TBCE: variants seen among roughly 807,000 people sequenced by gnomAD.
The protein encoded by TBCE is tubulin folding cofactor E, also known as tubulin-specific chaperone E.
In TBCE, 53 loss-of-function variants were observed where a neutral mutation model predicts 77.0. The observed-to-expected ratio is 0.69, with a 90% CI of 0.55 to 0.87. The LOEUF is 0.87. TBCE is among the 40% of genes least tolerant of loss of function. The pLI is 0.00. For missense variants in TBCE, 624 were observed against 622.4 expected (o/e 1.00, Z -0.03); for synonymous variants, 235 against 241.3 (o/e 0.97, Z 0.24).
chr1:235,401,195 T>C (rs932068695), intron 2 of TBCE, among the ~76,000 whole-genome samples: 1 of 152,172 alleles, frequency 6.6e-6, no homozygotes. Context: ...AATATGGTAT[T>C]TGTCCTTTTA....
intron 5 of TBCE, among the ~76,000 whole-genome samples, chr1:235,420,561 C>T (rs919319223): frequency 6.7e-6 from 1 of 148,876 alleles, no homozygotes; most frequent in African/African-American, 2.5e-5. Flanking sequence ...CAGCTCACTG[C>T]AACCTCCGCC....
At chr1:235,419,144 T>A in intron 4 of TBCE, 1 of 365,250 alleles carries the variant, frequency 2.7e-6, no homozygotes, top group South Asian at 2.5e-5. Flanking sequence ...GAGGGAGAGG[T>A]TGCAGTGAGT....
At chr1:235,429,151 G>A (rs998413289) in intron 6 of TBCE, 5 of 151,682 alleles carry the variant, frequency 3.3e-5, no homozygotes, top group Non-Finnish European at 7.4e-5. Flanking sequence ...ACCACTGCCA[G>A]CTACTTTTTG....
intron 6 of TBCE, chr1:235,429,819 G>A (rs907774535): frequency 6.6e-6 from 1 of 151,964 alleles, no homozygotes; most frequent in African/African-American, 2.4e-5. Context: ...CCAGATTCAA[G>A]TGATTCTCCT....
chr1:235,412,157 C>A (rs148305642), intron 3 of TBCE, among the ~76,000 whole-genome samples: 3 of 630 alleles, frequency 4.8e-3, no homozygotes, highest in African/African-American at 0.011. Context: ...CTCCCCTCCC[C>A]TCCCCTTCCC....
At chr1:235,376,081 G>T (rs1472628924) in intron 1 of TBCE, among the ~76,000 whole-genome samples, 1 of 151,966 alleles carries the variant, frequency 6.6e-6, no homozygotes, top group Admixed American at 6.6e-5. Context: ...TTGACACAGA[G>T]ACTGTTAATT....
intron 16 of TBCE, 95 bp downstream of exon 16, chr1:235,448,535 T>A: frequency 7.1e-7 from 1 of 1,404,166 alleles, no homozygotes; most frequent in Non-Finnish European, 1.0e-6. Flanking sequence ...TGATTCTAAA[T>A]GGAGACCATG....
At chr1:235,384,969 C>T (rs1326531145) in intron 2 of TBCE, among the ~76,000 whole-genome samples, 2 of 151,930 alleles carry the variant, frequency 1.3e-5, no homozygotes, top group Non-Finnish European at 2.9e-5. Context: ...ATAAATTTCC[C>T]TCTACACACT....
intron 3 of TBCE, among the ~76,000 whole-genome samples, chr1:235,401,957 G>A (rs1679137220): frequency 6.6e-6 from 1 of 150,942 alleles, no homozygotes; most frequent in Admixed American, 6.6e-5. Flanking sequence ...CCAGTAAGAA[G>A]GAATTGATTA....
At position 235,449,173 on chromosome 1, in the gene TBCE, G is replaced by C. The variant is rs979317508; in HGVS notation, c.*411G>C. 3.7e-5 allele frequency: 9 copies of C among 246,384 alleles called. No individual in the cohort carries two copies. The highest frequency in any genetic ancestry group is 7.2e-5 in the Non-Finnish European group (9 of 125,292). 15.3% of individuals were successfully genotyped at this position (246,384 alleles called of 1,614,324 possible). On this transcript the variant is annotated 3_prime_UTR_variant, in exon 17 of 17. Transcript: ENST00000642610. ...TAGAAATGATTTGGTTGGTCATTTT[G>C]GGAAATGTCCCTTAAACTTGGGGAG...
At chr1:235,399,990 A>G (rs1253582571) in intron 2 of TBCE, among the ~76,000 whole-genome samples, 3 of 152,168 alleles carry the variant, frequency 2.0e-5, no homozygotes, top group Non-Finnish European at 4.4e-5. Flanking sequence ...CATGGTTTGG[A>G]GAGTTTTAAC....
At chr1:235,416,041 C>G (rs1274882219) in intron 4 of TBCE, 1 of 151,632 alleles carries the variant, frequency 6.6e-6, no homozygotes, top group Non-Finnish European at 1.5e-5. Flanking sequence ...TGGTGGTACG[C>G]ACCTGTAGTC....
chr1:235,368,551 GCT>G (rs1491105259), intron 1 of TBCE, among the ~76,000 whole-genome samples: 3 of 44,874 alleles, frequency 6.7e-5, no homozygotes, highest in Admixed American at 6.6e-4. Flanking sequence ...TGGACAGCCT[GCT>G]TTTTTTTTTT....
intron 15 of TBCE, among the ~76,000 whole-genome samples, chr1:235,443,688 T>C (rs964897646): frequency 6.6e-6 from 1 of 152,194 alleles, no homozygotes; most frequent in Non-Finnish European, 1.5e-5. Flanking sequence ...TTTGTGACTT[T>C]GCTTACATTC....
At chr1:235,429,228 T>G (rs1269774797) in intron 6 of TBCE, 1 of 151,502 alleles carries the variant, frequency 6.6e-6, no homozygotes, top group Non-Finnish European at 1.5e-5. Context: ...ACCTCAGGTT[T>G]TCCACCCACC....
intron 5 of TBCE, among the ~76,000 whole-genome samples, chr1:235,426,905 C>T (rs1304074851): frequency 6.6e-6 from 1 of 152,226 alleles, no homozygotes; most frequent in Admixed American, 6.5e-5. Context: ...CTTGGCATCC[C>T]AAAGTGCCGG....
intron 4 of TBCE, among the ~76,000 whole-genome samples, chr1:235,417,090 C>T (rs975555625): frequency 6.6e-6 from 1 of 152,168 alleles, no homozygotes; most frequent in Non-Finnish European, 1.5e-5. Context: ...AGCTGACCAG[C>T]TTTGAGATCG....
At chr1:235,417,530 A>G (rs1160024384) in intron 4 of TBCE, among the ~76,000 whole-genome samples, 1 of 152,206 alleles carries the variant, frequency 6.6e-6, no homozygotes, top group Non-Finnish European at 1.5e-5. Flanking sequence ...GTCTGATTCC[A>G]GGGTTTGGGA....
intron 5 of TBCE, among the ~76,000 whole-genome samples, chr1:235,426,796 C>T (rs929848721): frequency 2.0e-5 from 3 of 152,198 alleles, no homozygotes; most frequent in Admixed American, 6.5e-5. Flanking sequence ...CGAGCGCGTG[C>T]CACCACACCT....
Sources: allele counts gnomAD v4.1 joint callset (sites outside exome capture counted in the v4.1 genomes callset), GRCh38; gene constraint gnomAD v4.1.1; transcripts MANE v1.5; gene names NCBI Gene and HGNC (gene_info 2026-07-23, HGNC 2026-07-21).